DAB1: variants seen among roughly 807,000 people sequenced by gnomAD.
DAB1 encodes disabled homolog 1.
A neutral mutation model predicts 64.6 loss-of-function variants in DAB1; 15 were observed. The observed-to-expected ratio is 0.23, with a 90% CI of 0.16 to 0.36. DAB1 has a LOEUF of 0.36. Among genes scored for constraint, DAB1 ranks in the 10% least tolerant of loss-of-function variants. The probability of loss-of-function intolerance (pLI) is 1.00; values close to 1 mark genes in which losing one functional copy is unlikely to be tolerated. For synonymous variants in DAB1, 235 were observed against 251.9 expected, an observed-to-expected ratio of 0.93 and a Z score of 0.64; for missense variants, 596 against 706.7, an observed-to-expected ratio of 0.84 and a Z score of 1.78.
intron 6 of DAB1, among the ~76,000 whole-genome samples, chr1:57,770,198 T>G (rs1165431066): frequency 2.0e-5 from 3 of 152,168 alleles, no homozygotes; most frequent in Non-Finnish European, 4.4e-5. Flanking sequence ...GCAGTAGATA[T>G]GATAATCCCC....
intron 5 of DAB1, among the ~76,000 whole-genome samples, chr1:57,989,520 A>G (rs1646296905): frequency 6.6e-6 from 1 of 152,186 alleles, no homozygotes; most frequent in Non-Finnish European, 1.5e-5. Flanking sequence ...CCCCATGAAG[A>G]TGCCCTCACC....
chr1:57,707,667 T>A (rs1330139995), intron 6 of DAB1, among the ~76,000 whole-genome samples: 1 of 152,184 alleles, frequency 6.6e-6, no homozygotes, highest in Non-Finnish European at 1.5e-5. Flanking sequence ...TTTATATGTT[T>A]TATATATTGA....
chr1:57,907,867 A>G (rs1299658374), intron 5 of DAB1, among the ~76,000 whole-genome samples: 2 of 150,664 alleles, frequency 1.3e-5, no homozygotes, highest in Non-Finnish European at 2.9e-5. Context: ...GTATGTGTAT[A>G]TATATATATA....
intron 5 of DAB1, among the ~76,000 whole-genome samples, chr1:57,963,854 G>A (rs755213868): frequency 2.6e-5 from 4 of 152,150 alleles, no homozygotes; most frequent in Admixed American, 1.3e-4. Context: ...TCTGTGCACC[G>A]TGTCATTATA....
intron 5 of DAB1, among the ~76,000 whole-genome samples, chr1:58,033,704 A>C (rs1647003215): frequency 1.3e-5 from 2 of 152,180 alleles, no homozygotes; most frequent in Non-Finnish European, 2.9e-5. Context: ...GAGTAGATTA[A>C]TTAAGAGTGA....
At chr1:57,202,448 A>T (rs1355493888) in intron 2 of DAB1, among the ~76,000 whole-genome samples, 1 of 152,142 alleles carries the variant, frequency 6.6e-6, no homozygotes, top group Non-Finnish European at 1.5e-5. Context: ...TTGAAATGCA[A>T]AGAGAGGCCA....
intron 4 of DAB1, among the ~76,000 whole-genome samples, chr1:57,097,967 C>T (rs961174956): frequency 4.6e-5 from 7 of 151,946 alleles, no homozygotes; most frequent in African/African-American, 7.3e-5. Flanking sequence ...TTAATAGGGA[C>T]GGGGTTTCAC....
At chr1:57,141,710 C>A (rs1160920363) in intron 3 of DAB1, among the ~76,000 whole-genome samples, 1 of 152,156 alleles carries the variant, frequency 6.6e-6, no homozygotes, top group Non-Finnish European at 1.5e-5. Context: ...AGACCTCATC[C>A]TTTTCCTTAA....
chr1:57,182,822 G>A (rs1444438590), intron 2 of DAB1, among the ~76,000 whole-genome samples: 7 of 152,026 alleles, frequency 4.6e-5, no homozygotes, highest in Non-Finnish European at 8.8e-5. Context: ...CAGAGGTAGA[G>A]GATAGAATAG....
intron 5 of DAB1, among the ~76,000 whole-genome samples, chr1:57,985,994 G>A (rs887567513): frequency 2.0e-5 from 3 of 152,178 alleles, no homozygotes; most frequent in Admixed American, 6.5e-5. Flanking sequence ...AGCAGCTGAA[G>A]CTCAGAGAGA....
chr1:58,463,825 TC>T lies in DAB1; in HGVS notation n.257+42234del, dbSNP rs572038744. Among the ~76,000 whole-genome samples, 96 of 152,366 alleles carry T rather than the reference TC, an allele frequency of 6.3e-4. 2 individuals carry two copies. The highest frequency in any genetic ancestry group is 2.2e-3 in the African/African-American group (93 of 41,582). On this transcript the variant is annotated intron_variant and non_coding_transcript_variant, in intron 3 of 20. Transcript: ENST00000485760. The stretch of plus-strand genomic sequence containing the variant: ...TATATGAATTCTGTACATGTCCTTG[TC>T]ATGTGTTTCAGTAGAGTTTGAGAAT...
intron 4 of DAB1, among the ~76,000 whole-genome samples, chr1:57,132,635 T>C (rs978929017): frequency 1.3e-5 from 2 of 152,186 alleles, no homozygotes; most frequent in African/African-American, 4.8e-5. Flanking sequence ...ATAATACGAA[T>C]ATTCCAACAT....
At chr1:57,343,399 C>T (rs1677802197) in intron 1 of DAB1, among the ~76,000 whole-genome samples, 1 of 152,236 alleles carries the variant, frequency 6.6e-6, no homozygotes, top group Admixed American at 6.5e-5. Context: ...CCAGTGGATC[C>T]TGCACCAGGG....
intron 1 of DAB1, among the ~76,000 whole-genome samples, chr1:57,846,456 A>C (rs1430305962): frequency 3.3e-5 from 2 of 60,628 alleles, no homozygotes; most frequent in African/African-American, 1.0e-4. Context: ...AGACTCCATC[A>C]AAAAAAAAAA....
In DAB1 at chr1:58,473,916, G is replaced by A. The variant is rs143318173; in HGVS notation, n.257+32144C>T. 7.3e-5 allele frequency: 84 copies of A among 1,145,094 alleles called. No homozygotes were observed. In the African/African-American group the frequency reaches 1.0e-3, roughly 14 times the overall value. 70.9% of individuals were successfully genotyped at this position (1,145,094 alleles called of 1,614,324 possible). A position where few individuals can be genotyped will look rare whatever the true frequency, so the allele number is the denominator to read the frequency against. ...TGTGTTCTGGATGAAGCTGTTGAGCGTTAACTCTGCAATCTGTTCTGGCTG... is the reference window on the plus strand; with the variant it reads ...TGTGTTCTGGATGAAGCTGTTGAGCATTAACTCTGCAATCTGTTCTGGCTG... On this transcript the variant is annotated intron_variant and non_coding_transcript_variant, in intron 3 of 20. Transcript: ENST00000485760.
At chr1:58,053,887 C>T (rs1647876794) in intron 5 of DAB1, among the ~76,000 whole-genome samples, 1 of 152,214 alleles carries the variant, frequency 6.6e-6, no homozygotes, top group Non-Finnish European at 1.5e-5. Context: ...CAACCATACT[C>T]GCTGTTGATC....
At chr1:58,433,476 A>C (rs1048437357) in intron 3 of DAB1, among the ~76,000 whole-genome samples, 8 of 151,776 alleles carry the variant, frequency 5.3e-5, no homozygotes, top group Admixed American at 5.3e-4. Flanking sequence ...TGGAGCAGGG[A>C]AGTCCGAGAA....
chr1:57,728,427 A>G (rs930668889), intron 6 of DAB1, among the ~76,000 whole-genome samples: 3 of 152,136 alleles, frequency 2.0e-5, no homozygotes, highest in Admixed American at 1.3e-4. Context: ...CCCCGGCTCT[A>G]CTAAAAATAC....
At chr1:57,519,142 G>A (rs565999191) in intron 7 of DAB1, among the ~76,000 whole-genome samples, 7 of 152,052 alleles carry the variant, frequency 4.6e-5, no homozygotes, top group Admixed American at 1.3e-4. Flanking sequence ...CTATTACTTC[G>A]AGTCTCAGCA....
Sources: gnomAD v4.1 joint callset for allele counts (sites outside exome capture counted in the v4.1 genomes callset) on GRCh38, gnomAD v4.1.1 for gene constraint, MANE v1.5 for transcripts, NCBI Gene and HGNC (gene_info 2026-07-23, HGNC 2026-07-21) for gene names.